The following CYFIP1 variants were observed in gnomAD, a reference collection of about 807,000 sequenced individuals.
CYFIP1 encodes the protein cytoplasmic FMR1 interacting protein 1, also known as cytoplasmic FMR1-interacting protein 1.
Under a neutral mutation model 163.5 loss-of-function variants are expected in CYFIP1, and 58 were observed. The observed-to-expected ratio is 0.35, with a 90% CI of 0.29 to 0.44. CYFIP1 has a LOEUF of 0.44. CYFIP1 is among the 20% of genes least tolerant of loss of function. The pLI is 1.00. For synonymous variants in CYFIP1, 663 were observed against 660.7 expected, an observed-to-expected ratio of 1.00 and a Z score of -0.05; for missense variants, 1,338 against 1,653.8, an observed-to-expected ratio of 0.81 and a Z score of 3.31.
chr15:22,949,598 T>G (rs888337188), intron 1 of CYFIP1, among the ~76,000 whole-genome samples: 1 of 152,118 alleles, frequency 6.6e-6, no homozygotes, highest in African/African-American at 2.4e-5. Context: ...TACTGTCTAA[T>G]GGGCCTTTCA....
rs1566975469 is a variant in CYFIP1, at chr15:22,921,783, A to AG, written c.1360-2926_1360-2925insC. Among the ~76,000 whole-genome samples the AG allele has an allele frequency of 8.9e-4, 121 of 136,000 alleles. 4 individuals carry two copies. Among genetic ancestry groups the AG allele is most frequent in the East Asian group, 1.9e-3 (8 of 4,248 alleles). 89.2% of individuals were successfully genotyped at this position (136,000 alleles called of 152,430 possible). ...CTGTCTCAAAAAAAAAAAAAAAAAA[A>AG]AAGAAGCACGAGTTACCAGCATTAA... On this transcript the variant is annotated intron_variant, in intron 13 of 30. Coordinates refer to ENST00000617928, the MANE Select transcript of CYFIP1 (RefSeq NM_014608.6).
chr15:22,926,794 T>C (rs1038049366), intron 12 of CYFIP1, among the ~76,000 whole-genome samples: 3 of 152,156 alleles, frequency 2.0e-5, no homozygotes, highest in African/African-American at 7.2e-5. Flanking sequence ...AATAAGACAG[T>C]GTTAGATAGA....
intron 5 of CYFIP1, among the ~76,000 whole-genome samples, chr15:22,943,622 AC>A (rs2061963196): frequency 6.6e-6 from 1 of 152,244 alleles, no homozygotes; most frequent in African/African-American, 2.4e-5. Context: ...CAGCAAAATT[AC>A]TGAGCAAAAT....
At chr15:22,922,331 C>T (rs2061212416) in intron 13 of CYFIP1, among the ~76,000 whole-genome samples, 1 of 152,180 alleles carries the variant, frequency 6.6e-6, no homozygotes, top group African/African-American at 2.4e-5. Context: ...AACCCAGGAC[C>T]CCAAGGCTCT....
intron 1 of CYFIP1, among the ~76,000 whole-genome samples, chr15:22,964,868 ACT>A (rs1224367300): frequency 6.6e-6 from 1 of 151,914 alleles, no homozygotes; most frequent in Non-Finnish European, 1.5e-5. Context: ...CCCTCATTCT[ACT>A]CTCTGCTTCT....
intron 1 of CYFIP1, among the ~76,000 whole-genome samples, chr15:22,956,803 T>C (rs561016426): frequency 7.9e-5 from 12 of 152,278 alleles, no homozygotes; most frequent in African/African-American, 2.9e-4. Context: ...CACAGCAGAA[T>C]GGTGGCTGCA....
intron 22 of CYFIP1, among the ~76,000 whole-genome samples, chr15:22,897,488 T>G (rs1410631597): frequency 5.5e-5 from 8 of 145,902 alleles, no homozygotes; most frequent in African/African-American, 8.1e-5. Flanking sequence ...GTTTTTTTTT[T>G]TTGTTTGTGT....
chr15:22,940,938 G>T (rs1270010981), intron 6 of CYFIP1, among the ~76,000 whole-genome samples: 1 of 152,298 alleles, frequency 6.6e-6, no homozygotes, highest in African/African-American at 2.4e-5. Flanking sequence ...TACTCGGGAG[G>T]CTGAGACAGG....
intron 17 of CYFIP1, 104 bp from the exon 18 acceptor site, chr15:22,912,379 C>T (rs570270256): frequency 5.9e-6 from 5 of 845,596 alleles, no homozygotes; most frequent in African/African-American, 3.5e-5. Context: ...CCACCTCTCA[C>T]GTAAGGAAAA....
intron 25 of CYFIP1, 30 bp from the exon 26 acceptor site, chr15:22,880,073 G>C (rs1279463566): frequency 1.2e-6 from 2 of 1,612,300 alleles, no homozygotes; most frequent in African/African-American, 2.7e-5. Context: ...GTGGGGTTGG[G>C]GGACTGGAGG....
intron 6 of CYFIP1, among the ~76,000 whole-genome samples, chr15:22,941,944 C>T (rs759170735): frequency 3.4e-4 from 51 of 152,150 alleles, no homozygotes; most frequent in Non-Finnish European, 6.5e-4. Flanking sequence ...CTGGATTGGG[C>T]GGCTGGGACC....
chr15:22,921,567 G>T (rs1030284494), intron 13 of CYFIP1, among the ~76,000 whole-genome samples: 10 of 151,720 alleles, frequency 6.6e-5, no homozygotes, highest in Admixed American at 5.9e-4. Context: ...TGTAATCCCA[G>T]CACTTTGGGA....
intron 1 of CYFIP1, among the ~76,000 whole-genome samples, chr15:22,962,650 A>C (rs1478480128): frequency 6.6e-6 from 1 of 151,870 alleles, no homozygotes; most frequent in East Asian, 1.9e-4. Context: ...GTGATCCACC[A>C]GCCTCGGCCT....
At chr15:22,875,883 A>AACAT (rs1555395884) in intron 26 of CYFIP1, among the ~76,000 whole-genome samples, 3 of 41,014 alleles carry the variant, frequency 7.3e-5, no homozygotes, top group Non-Finnish European at 1.4e-4. Flanking sequence ...TCTCCAGAAT[A>AACAT]ACATATATAT....
intron 1 of CYFIP1, among the ~76,000 whole-genome samples, chr15:22,970,165 G>A (rs1287684130): frequency 2.0e-5 from 3 of 152,082 alleles, no homozygotes; most frequent in Non-Finnish European, 4.4e-5. Context: ...AGAATGTAGT[G>A]TAAATGAATT....
At chr15:22,928,933 T>C (rs144121340) in intron 11 of CYFIP1, among the ~76,000 whole-genome samples, 5 of 150,858 alleles carry the variant, frequency 3.3e-5, no homozygotes, top group African/African-American at 1.2e-4. Flanking sequence ...ATCCTCTGAG[T>C]GAGGGGCCCG....
At chr15:22,908,186 T>C (rs1033635437) in intron 21 of CYFIP1, among the ~76,000 whole-genome samples, 1 of 152,144 alleles carries the variant, frequency 6.6e-6, no homozygotes, top group African/African-American at 2.4e-5. Context: ...CACAGCAGTG[T>C]GTGAAGACTC....
intron 23 of CYFIP1, among the ~76,000 whole-genome samples, chr15:22,890,209 G>C (rs901502316): frequency 2.0e-5 from 3 of 151,862 alleles, no homozygotes; most frequent in African/African-American, 7.2e-5. Context: ...CTATTTGGGA[G>C]GCTGAGGCAG....
chr15:22,888,061 T>TCA (rs1471228997), intron 23 of CYFIP1, among the ~76,000 whole-genome samples: 1 of 152,208 alleles, frequency 6.6e-6, no homozygotes, highest in Non-Finnish European at 1.5e-5. Flanking sequence ...AAGGGTGTCT[T>TCA]ACTGAGAAGC....
Sources: gnomAD v4.1 joint callset for allele counts (sites outside exome capture counted in the v4.1 genomes callset) on GRCh38, gnomAD v4.1.1 for gene constraint, MANE v1.5 for transcripts, NCBI Gene and HGNC (gene_info 2026-07-23, HGNC 2026-07-21) for gene names.